CAMTA1: variants seen among roughly 807,000 people sequenced by gnomAD.
CAMTA1 encodes the protein calmodulin-binding transcription activator 1.
Under a neutral mutation model 170.9 loss-of-function variants are expected in CAMTA1, and 27 were observed. That is an observed-to-expected ratio of 0.16 (90% CI 0.12 to 0.22). CAMTA1 has a LOEUF of 0.22. Among genes scored for constraint, CAMTA1 ranks in the 10% least tolerant of loss-of-function variants. The probability of loss-of-function intolerance (pLI) is 1.00; values close to 1 mark genes in which losing one functional copy is unlikely to be tolerated. For synonymous variants in CAMTA1, 833 were observed against 891.5 expected (o/e 0.93, Z 1.17); for missense variants, 1,619 against 2,217.2 (o/e 0.73, Z 5.42).
intron 6 of CAMTA1, among the ~76,000 whole-genome samples, chr1:7,524,181 G>A (rs550471147): frequency 2.8e-4 from 43 of 152,272 alleles, no homozygotes; most frequent in Admixed American, 3.9e-4. Context: ...CAGCCTGGGC[G>A]ACAGAGTGCC....
chr1:7,420,252 C>G (rs1032606091), intron 5 of CAMTA1, among the ~76,000 whole-genome samples: 1 of 151,864 alleles, frequency 6.6e-6, no homozygotes. Flanking sequence ...CCACCTCTCC[C>G]CTCTGTCTGG....
In CAMTA1 at chr1:7,663,735, C is replaced by T. The variant is rs773396302; in HGVS notation, c.1188C>T (p.Ser396=). The change falls in exon 9 of 23, where the codon AGC becomes AGT. Residue 396 remains serine, a synonymous_variant. Transcript: ENST00000303635. ...CTGTGATGGGGAGCTTGTCCCAGAG[C>T]GCCACGGTGTTCATGTCAGAGGTCA... The part of the protein sequence containing the change: ...VASVMGSLSQ[S]ATVFMSEVTN... 20 of 1,613,830 alleles carry T rather than the reference C, an allele frequency of 1.2e-5. No homozygotes were observed. Among genetic ancestry groups the T allele is most frequent in the South Asian group, 4.4e-5 (4 of 91,076 alleles).
chr1:6,905,276 C>T (rs892638812), intron 3 of CAMTA1, among the ~76,000 whole-genome samples: 4 of 149,700 alleles, frequency 2.7e-5, no homozygotes, highest in Non-Finnish European at 5.9e-5. Flanking sequence ...TCACTGCAAC[C>T]TCCACCTCCC....
chr1:7,068,205 C>T (rs977374047), intron 3 of CAMTA1, among the ~76,000 whole-genome samples: 24 of 152,128 alleles, frequency 1.6e-4, no homozygotes, highest in East Asian at 5.8e-4. Flanking sequence ...ATTCATGCAG[C>T]GGTGTGGTCG....
At chr1:7,055,037 AACTC>A (rs1429602266) in intron 3 of CAMTA1, among the ~76,000 whole-genome samples, 2 of 152,048 alleles carry the variant, frequency 1.3e-5, no homozygotes, top group African/African-American at 4.8e-5. Flanking sequence ...GATCTTGCGA[AACTC>A]ACTCGCTGTC....
chr1:7,497,306 A>C (rs760879420), intron 6 of CAMTA1, among the ~76,000 whole-genome samples: 1 of 151,770 alleles, frequency 6.6e-6, no homozygotes, highest in African/African-American at 2.4e-5. Context: ...CACCTCCCCC[A>C]TGTCAACAGC....
intron 5 of CAMTA1, among the ~76,000 whole-genome samples, chr1:7,310,734 C>CTTTCTT (rs1270703206): frequency 2.6e-4 from 22 of 85,790 alleles, no homozygotes; most frequent in Non-Finnish European, 4.5e-4. Flanking sequence ...TTCTTTCTTT[C>CTTTCTT]TTTCTTTCTT....
At chr1:6,799,395 T>G (rs369332754) in intron 1 of CAMTA1, among the ~76,000 whole-genome samples, 10 of 152,246 alleles carry the variant, frequency 6.6e-5, no homozygotes, top group East Asian at 3.8e-4. Flanking sequence ...CTGGGAATGC[T>G]GGTGAGCAGG....
intron 5 of CAMTA1, among the ~76,000 whole-genome samples, chr1:7,357,997 G>C (rs531727388): frequency 6.6e-6 from 1 of 152,336 alleles, no homozygotes; most frequent in South Asian, 2.1e-4. Context: ...CTATGCTAAA[G>C]GGCTGCTTGT....
At chr1:7,462,271 T>C (rs768850927) in intron 5 of CAMTA1, among the ~76,000 whole-genome samples, 13 of 152,146 alleles carry the variant, frequency 8.5e-5, no homozygotes, top group Non-Finnish European at 1.9e-4. Flanking sequence ...GGTATTTTTA[T>C]TTTTTATTTT....
chr1:7,429,011 C>A (rs1283194527), intron 5 of CAMTA1, among the ~76,000 whole-genome samples: 4 of 152,218 alleles, frequency 2.6e-5, no homozygotes, highest in African/African-American at 9.6e-5. Context: ...CTAATGGACG[C>A]CTCTAATGGA....
At chr1:7,690,743 C>T (rs1197200512) in intron 11 of CAMTA1, among the ~76,000 whole-genome samples, 2 of 152,242 alleles carry the variant, frequency 1.3e-5, no homozygotes, top group African/African-American at 4.8e-5. Flanking sequence ...ACCCGTGAGG[C>T]CCCTGTTCCA....
intron 5 of CAMTA1, among the ~76,000 whole-genome samples, chr1:7,370,914 CTTTT>C (rs61387662): frequency 9.1e-6 from 1 of 110,010 alleles, no homozygotes; most frequent in Non-Finnish European, 1.7e-5. Flanking sequence ...TTCTTTCTTT[CTTTT>C]TTTTTTTTTT....
intron 5 of CAMTA1, among the ~76,000 whole-genome samples, chr1:7,305,596 C>T (rs1675462059): frequency 6.6e-6 from 1 of 151,960 alleles, no homozygotes; most frequent in African/African-American, 2.4e-5. Context: ...TTTTTCATTG[C>T]CGAGTAATAC....
rs1302572506 is a variant in CAMTA1 at position 6,887,579 on chromosome 1, G to C, written c.234+62369G>C. The C allele has an allele frequency of 3.3e-6, 5 of 1,521,358 alleles. No homozygotes were observed. The highest frequency in any genetic ancestry group is 4.1e-5 in the Admixed American group (2 of 49,352). 94.2% of individuals were successfully genotyped at this position (1,521,358 alleles called of 1,614,324 possible). A position where few individuals can be genotyped will look rare whatever the true frequency, so the allele number is the denominator to read the frequency against. ...TCCTCCTCTCTCTGCCTCTGGAAAT[G>C]GGGCAAATTTTTCTTCAGTTAAAAA... is the stretch of plus-strand genomic sequence containing the variant. On this transcript the variant is annotated intron_variant, in intron 3 of 22. Transcript: ENST00000303635. The surrounding 1 kb of genome is among the most constrained non-coding windows in gnomAD (Gnocchi z 4.1).
At position 7,455,886 on chromosome 1, in the gene CAMTA1, A is replaced by T. The variant is rs572181353; in HGVS notation, c.439-11944A>T. Among the ~76,000 whole-genome samples, 83 of 152,308 alleles carry T rather than the reference A, an allele frequency of 5.4e-4. 2 individuals are homozygous for T. The highest frequency in any genetic ancestry group is 1.9e-3 in the African/African-American group (79 of 41,570). ...ATCTGCTCTCCTCTGGGAATGGCAG[A>T]TGAGTAGAGAGAAAGGCCGGCCACC... On this transcript the variant is annotated intron_variant, in intron 5 of 22. Transcript: ENST00000303635. This position sits in a 1 kb window ranked among gnomAD's most constrained non-coding sequence, Gnocchi z 5.0.
intron 6 of CAMTA1, among the ~76,000 whole-genome samples, chr1:7,636,101 T>C (rs2095710142): frequency 6.6e-6 from 1 of 152,096 alleles, no homozygotes; most frequent in Non-Finnish European, 1.5e-5. Context: ...GCTAATTGTA[T>C]CAAAACAAGG....
intron 4 of CAMTA1, among the ~76,000 whole-genome samples, chr1:7,159,503 G>A (rs1163402743): frequency 2.0e-5 from 3 of 151,922 alleles, no homozygotes; most frequent in Non-Finnish European, 4.4e-5. Context: ...CTGAGCTCTG[G>A]ATCCCACCAT....
At chr1:7,627,100 T>C (rs1351721023) in intron 6 of CAMTA1, among the ~76,000 whole-genome samples, 2 of 152,192 alleles carry the variant, frequency 1.3e-5, no homozygotes, top group African/African-American at 2.4e-5. Context: ...TCTGTCTCTT[T>C]AATTCATGGA....
Sources: allele counts gnomAD v4.1 joint callset (sites outside exome capture counted in the v4.1 genomes callset), GRCh38; gene constraint gnomAD v4.1.1; non-coding constraint Gnocchi (gnomAD v3.1); transcripts MANE v1.5; gene names NCBI Gene and HGNC (gene_info 2026-07-23, HGNC 2026-07-21).